Variants in TECTA observed in about 807,000 individuals in gnomAD.
TECTA encodes the protein alpha-tectorin.
A neutral mutation model predicts 216.8 loss-of-function variants in TECTA; 128 were observed. The ratio of observed to expected loss-of-function variants is 0.59; its 90% CI spans 0.51 to 0.68. TECTA has a LOEUF of 0.68. Ranked by LOEUF, TECTA falls within the 30% of genes least tolerant of loss-of-function variation. TECTA has a pLI of 0.00. For synonymous variants in TECTA, 1,089 were observed against 1,117.1 expected (o/e 0.97, Z 0.50); for missense variants, 2,551 against 2,786.2 (o/e 0.92, Z 1.90).
At position 121,168,912 on chromosome 11, in the gene TECTA, A is replaced by C. The variant is rs776269917; in HGVS notation, c.5986A>C (p.Ile1996Leu). The C allele has an allele frequency of 5.6e-6, 9 of 1,614,034 alleles. No homozygotes were observed. The South Asian group carries it at 9.9e-5, about 18-fold the overall frequency. ...RDSNDKLRYF[I>L]IEGGCQNLKD... Reference sequence around the variant, plus strand: ...TAGCAATGATAAGCTCCGATATTTCATCATTGAAGGAGGGTGAGTAGCCTC... The same window carrying C: ...TAGCAATGATAAGCTCCGATATTTCCTCATTGAAGGAGGGTGAGTAGCCTC... The change falls in exon 20 of 24, where the codon ATC becomes CTC. Residue 1996 changes from isoleucine (I) to leucine (L), a missense_variant. Coordinates refer to ENST00000392793, the MANE Select transcript of TECTA (RefSeq NM_005422.4).
At chr11:121,167,211 G>A (rs557560650) in intron 18 of TECTA, among the ~76,000 whole-genome samples, 325 of 152,278 alleles carry the variant, frequency 2.1e-3, no homozygotes, top group Non-Finnish European at 4.1e-3. Flanking sequence ...CAGAAGGACT[G>A]CTAGAGGCCA....
rs1271580466 is a variant in TECTA, at chr11:121,137,410, A to G, written c.2942-11A>G. 4.3e-6 allele frequency: 7 copies of G among 1,613,454 alleles called. No individual in the cohort carries two copies. The highest frequency in any genetic ancestry group is 1.7e-5 in the Admixed American group (1 of 59,950). On this transcript the variant is annotated splice_polypyrimidine_tract_variant and intron_variant, in intron 10 of 23. Coordinates refer to ENST00000392793, the MANE Select transcript of TECTA (RefSeq NM_005422.4). ...TTTTCTCAAACCCGTCTTCTCCTTG[A>G]CCACCTGCAGCACTGGAGTGCCCAG...
chr11:121,136,553 A>G (rs1452705073), intron 10 of TECTA, among the ~76,000 whole-genome samples: 1 of 152,214 alleles, frequency 6.6e-6, no homozygotes, highest in Non-Finnish European at 1.5e-5. Context: ...GGAGGTACAA[A>G]GAGGAGCAAG....
In TECTA at chr11:121,127,593, T is replaced by C. The variant is rs1946625294; in HGVS notation, c.1775-159T>C. Among the ~76,000 whole-genome samples, 1 of 152,214 alleles carries C rather than the reference T, an allele frequency of 6.6e-6. No homozygotes were observed. Among genetic ancestry groups the C allele is most frequent in the Non-Finnish European group, 1.5e-5 (1 of 68,026 alleles). The stretch of plus-strand genomic sequence containing the variant: ...GTAGTTATTAGGAGAGTCATTGAGC[T>C]GGGTTTTACAGATACAACCTCAATT... On this transcript the variant is annotated intron_variant, in intron 8 of 23. Transcript: ENST00000392793. The surrounding 1 kb of genome is among the most constrained non-coding windows in gnomAD (Gnocchi z 5.0).
intron 20 of TECTA, among the ~76,000 whole-genome samples, chr11:121,176,465 A>G (rs1201337289): frequency 8.1e-6 from 1 of 123,738 alleles, no homozygotes; most frequent in Non-Finnish European, 1.6e-5. Context: ...TTGGCTGGAT[A>G]TGAAATTCTG....
chr11:121,122,387 C>T (rs1192782488), intron 7 of TECTA, among the ~76,000 whole-genome samples: 2 of 152,084 alleles, frequency 1.3e-5, no homozygotes, highest in Admixed American at 1.3e-4. Context: ...CTGCTAGCCC[C>T]CTGACCTTAT....
Position 121,125,030 on chromosome 11 carries a change from C to T in TECTA, c.1204-272C>T, listed in dbSNP as rs192365761. Among the ~76,000 whole-genome samples, 711 of 152,354 alleles carry T rather than the reference C, an allele frequency of 4.7e-3. 5 individuals are homozygous for T. Among genetic ancestry groups the T allele is most frequent in the Non-Finnish European group, 8.1e-3 (550 of 68,034 alleles). On this transcript the variant is annotated intron_variant, in intron 7 of 23. Coordinates refer to ENST00000392793, the MANE Select transcript of TECTA (RefSeq NM_005422.4). ...GAGCCAGCCAGGAAATGTTGACAAC[C>T]ACACAGTCCCCAGAGGAGTCCGTAG...
intron 12 of TECTA, among the ~76,000 whole-genome samples, chr11:121,148,954 G>A (rs766128785): frequency 3.3e-5 from 5 of 152,212 alleles, no homozygotes; most frequent in African/African-American, 7.2e-5. Context: ...ATCGGGGACT[G>A]TAATTAGATG....
intron 13 of TECTA, among the ~76,000 whole-genome samples, chr11:121,154,967 G>T (rs980044656): frequency 2.0e-5 from 3 of 152,200 alleles, no homozygotes; most frequent in African/African-American, 7.2e-5. Context: ...GCTGCTATTA[G>T]TACTACAGTG....
At chr11:121,169,140 C>T (rs906126739) in intron 20 of TECTA, among the ~76,000 whole-genome samples, 1 of 152,162 alleles carries the variant, frequency 6.6e-6, no homozygotes. Flanking sequence ...TAAAGTCACA[C>T]AGAAATATAT....
At chr11:121,190,120 AAAC>A in intron 23 of TECTA, 1 of 512,116 alleles carries the variant, frequency 2.0e-6, no homozygotes, top group South Asian at 2.1e-5. Flanking sequence ...TAATTTAAAA[AAAC>A]AAGTTATCCA....
Position 121,118,359 on chromosome 11 carries a change from A to G in TECTA, c.844A>G (p.Lys282Glu), listed in dbSNP as rs945098754. The G allele has an allele frequency of 6.2e-7, 1 of 1,614,142 alleles. No homozygotes were observed. The highest frequency in any genetic ancestry group is 8.5e-7 in the Non-Finnish European group (1 of 1,180,034). The change falls in exon 7 of 24, where the codon AAG becomes GAG. Residue 282 changes from lysine to glutamate, a missense_variant. Transcript: ENST00000392793. ...VFWDDLNCTVKCRCLDFNNEI... is the reference protein window; with the variant it reads ...VFWDDLNCTVECRCLDFNNEI... ...TTGGGATGACTTGAACTGCACCGTC[A>G]AGTGCCGCTGTCTGGATTTCAACAA...
In TECTA at chr11:121,187,865, C is replaced by T. The variant is rs1350403244; in HGVS notation, c.6033C>T (p.Ile2011=). The change falls in exon 21 of 24, where the codon ATC becomes ATT. Residue 2011 remains isoleucine, a synonymous_variant. Coordinates refer to ENST00000392793, the MANE Select transcript of TECTA (RefSeq NM_005422.4). ...CQNLKDNTIG[I]EENAVSLTCR... is the part of the protein sequence containing the mutation. ...ACCTCAAAGATAACACCATTGGCAT[C>T]GAGGAGAATGCAGTCTCCCTGACCT... The T allele has an allele frequency of 8.7e-6, 14 of 1,614,102 alleles. No homozygotes were observed. The highest frequency in any genetic ancestry group is 2.2e-5 in the East Asian group (1 of 44,904).
At chr11:121,168,332 G>A (rs764893659) in intron 19 of TECTA, 115 bp downstream of exon 19, 88 of 1,394,778 alleles carry the variant, frequency 6.3e-5, no homozygotes, top group Non-Finnish European at 8.2e-5. Flanking sequence ...CATAATTCAC[G>A]TTTCTTGAGC....
rs1329759610 is a variant in TECTA, at chr11:121,129,961, C to A, written c.2691C>A (p.Asn897Lys). 1.2e-6 allele frequency: 2 copies of A among 1,606,394 alleles called. No homozygotes were observed. The highest frequency in any genetic ancestry group is 1.3e-5 in the African/African-American group (1 of 74,752). Residue 897 changes from asparagine to lysine, a missense_variant, in exon 10 of 24, where the codon AAC (asparagine) becomes AAA (lysine). This residue lies in a region of TECTA where 2,375 missense variants were observed against 2,563.9 expected (regional missense o/e 0.93). Transcript: ENST00000392793. ...GECGDLLKAC[N>K]NDSELLKFYR... ...GTGGGGACCTGCTGAAGGCCTGCAACAATGACTCGGAGCTGCTCAAGTTTT... is the reference window on the plus strand; with the variant it reads ...GTGGGGACCTGCTGAAGGCCTGCAAAAATGACTCGGAGCTGCTCAAGTTTT...
intron 14 of TECTA, 73 bp from the exon 15 acceptor site, chr11:121,160,062 C>T (rs1189864594): frequency 6.3e-7 from 1 of 1,599,536 alleles, no homozygotes; most frequent in East Asian, 2.2e-5. Context: ...AATATTTTCC[C>T]TGGCCCTTTC....
intron 11 of TECTA, 57 bp from the exon 12 acceptor site, chr11:121,145,498 A>C: frequency 6.3e-7 from 1 of 1,582,010 alleles, no homozygotes; most frequent in Non-Finnish European, 8.7e-7. Context: ...CGTTAGGAGA[A>C]GAGCTGGGAA....
rs34605023 is a variant in TECTA at position 121,113,618 on chromosome 11, C to G, written c.690C>G (p.Ile230Met). The change falls in exon 6 of 24, where the codon ATC (isoleucine) becomes ATG (methionine). Residue 230 changes from isoleucine (I) to methionine (M), a missense_variant. Coordinates refer to ENST00000392793, the MANE Select transcript of TECTA (RefSeq NM_005422.4). This position sits in a 1 kb window ranked among gnomAD's most constrained non-coding sequence, Gnocchi z 4.2. ...TCCCGGGGTCAAGAACCCCCGAGAT[C>G]GTGAATATCCAGGAGACCACAAACG... ...FSLPGSRTPE[I>M]VNIQETTNVN... 6.2e-7 allele frequency: 1 copy of G among 1,613,980 alleles called. No individual in the cohort carries two copies. Among genetic ancestry groups the G allele is most frequent in the Admixed American group, 1.7e-5 (1 of 60,018 alleles).
chr11:121,154,277 A>G (rs1946920771), intron 13 of TECTA, among the ~76,000 whole-genome samples: 2 of 152,332 alleles, frequency 1.3e-5, no homozygotes, highest in African/African-American at 4.8e-5. Flanking sequence ...AATAAAAGAA[A>G]TGTGGACATT....
Sources: gnomAD v4.1 joint callset for allele counts (sites outside exome capture counted in the v4.1 genomes callset) on GRCh38, gnomAD v4.1.1 for gene constraint, gnomAD v4.1.1 regional missense constraint, Gnocchi (gnomAD v3.1) non-coding constraint, MANE v1.5 for transcripts, NCBI Gene and HGNC (gene_info 2026-07-23, HGNC 2026-07-21) for gene names.